The following RAB10 variants were observed in gnomAD, a reference collection of about 807,000 sequenced individuals.
RAB10 encodes ras-related protein Rab-10.
A neutral mutation model predicts 25.7 loss-of-function variants in RAB10; 5 were observed. That is an observed-to-expected ratio of 0.19 (90% confidence interval 0.10 to 0.41). The LOEUF is 0.41. Ranked by LOEUF, RAB10 falls within the 10% of genes least tolerant of loss-of-function variation. RAB10 has a pLI of 1.00. For missense variants in RAB10, 103 were observed against 245.8 expected (o/e 0.42, Z 3.89); for synonymous variants, 89 against 86.4 (o/e 1.03, Z -0.16).
At chr2:26,131,140 TA>T (rs1429316418) in intron 5 of RAB10, among the ~76,000 whole-genome samples, 1 of 151,894 alleles carries the variant, frequency 6.6e-6, no homozygotes, top group African/African-American at 2.4e-5. Context: ...AGTATGAGTA[TA>T]CTATTAAATA....
intron 1 of RAB10, among the ~76,000 whole-genome samples, chr2:26,063,803 A>AT (rs532736890): frequency 4.6e-5 from 7 of 151,646 alleles, no homozygotes; most frequent in African/African-American, 1.2e-4. Flanking sequence ...TTTTCTCACC[A>AT]TTTTTTTTGG....
chr2:26,045,081 T>C (rs1466273742), intron 1 of RAB10, among the ~76,000 whole-genome samples: 1 of 152,060 alleles, frequency 6.6e-6, no homozygotes, highest in African/African-American at 2.4e-5. Flanking sequence ...ACTTGTCCTT[T>C]GCCATCTTAG....
At chr2:26,094,531 C>T (rs992920906) in intron 1 of RAB10, among the ~76,000 whole-genome samples, 3 of 151,844 alleles carry the variant, frequency 2.0e-5, no homozygotes, top group African/African-American at 7.3e-5. Flanking sequence ...GGATTACAGG[C>T]GTGAGCCACC....
chr2:26,102,517 C>G (rs1026544345), intron 2 of RAB10, among the ~76,000 whole-genome samples: 8 of 150,526 alleles, frequency 5.3e-5, no homozygotes, highest in Non-Finnish European at 1.2e-4. Context: ...CGGCTCACTG[C>G]AAGCTCTGCC....
intron 3 of RAB10, among the ~76,000 whole-genome samples, chr2:26,123,703 A>G (rs866640971): frequency 1.2e-4 from 18 of 152,228 alleles, no homozygotes; most frequent in African/African-American, 1.9e-4. Flanking sequence ...ACTGTAGACA[A>G]TCTGGCAGAA....
At chr2:26,043,381 C>G (rs1665932020) in intron 1 of RAB10, among the ~76,000 whole-genome samples, 1 of 152,134 alleles carries the variant, frequency 6.6e-6, no homozygotes, top group Non-Finnish European at 1.5e-5. Flanking sequence ...GATGATCATG[C>G]CACTGTACTC....
chr2:26,078,680 A>G (rs768778991), intron 1 of RAB10, among the ~76,000 whole-genome samples: 2 of 152,312 alleles, frequency 1.3e-5, no homozygotes, highest in African/African-American at 2.4e-5. Context: ...GATGAAGGCT[A>G]TAGACCTGAT....
intron 1 of RAB10, among the ~76,000 whole-genome samples, chr2:26,089,346 C>T (rs1057068246): frequency 2.9e-4 from 44 of 151,514 alleles, no homozygotes; most frequent in African/African-American, 9.7e-4. Flanking sequence ...TTGCTTGAAC[C>T]CAGGAGGTGG....
At chr2:26,107,366 T>A (rs1348855484) in intron 2 of RAB10, among the ~76,000 whole-genome samples, 1 of 151,846 alleles carries the variant, frequency 6.6e-6, no homozygotes, top group Non-Finnish European at 1.5e-5. Flanking sequence ...AAAAGCTTCC[T>A]CTCTACAAAA....
intron 1 of RAB10, among the ~76,000 whole-genome samples, chr2:26,036,914 GTA>G: frequency 6.6e-6 from 1 of 152,034 alleles, no homozygotes; most frequent in East Asian, 2.0e-4. Context: ...AGCTTCCTGA[GTA>G]GCAGAGACTA....
rs977326801 is a variant in RAB10 at position 26,127,137 on chromosome 2, A to G, written c.328-7A>G. ...GTATGTAAAAGTAAAATTTTATTTC[A>G]TTTTAGCATGCCAATGAAGATGTGG... is the stretch of plus-strand genomic sequence containing the variant. On this transcript the variant is annotated splice_region_variant and splice_polypyrimidine_tract_variant and intron_variant, in intron 3 of 5. Coordinates refer to ENST00000264710, the MANE Select transcript of RAB10 (RefSeq NM_016131.5). The G allele has an allele frequency of 6.3e-7, 1 of 1,587,348 alleles. No individual in the cohort carries two copies. Among genetic ancestry groups the G allele is most frequent in the African/African-American group, 1.4e-5 (1 of 73,420 alleles).
intron 3 of RAB10, among the ~76,000 whole-genome samples, chr2:26,125,640 A>T (rs1266394251): frequency 6.6e-6 from 1 of 151,394 alleles, no homozygotes; most frequent in Non-Finnish European, 1.5e-5. Context: ...TGTAGAGATG[A>T]GGTCTCACAG....
chr2:26,069,841 G>A (rs1347002278), intron 1 of RAB10, among the ~76,000 whole-genome samples: 2 of 151,888 alleles, frequency 1.3e-5, no homozygotes, highest in South Asian at 4.2e-4. Context: ...AAGTAGCTGG[G>A]ACTACAGGCA....
At chr2:26,056,422 C>T (rs949382646) in intron 1 of RAB10, among the ~76,000 whole-genome samples, 5 of 151,982 alleles carry the variant, frequency 3.3e-5, no homozygotes, top group African/African-American at 1.2e-4. Flanking sequence ...TGGTCTCAAT[C>T]TCCTGACCTC....
At chr2:26,039,105 C>T (rs1185407677) in intron 1 of RAB10, among the ~76,000 whole-genome samples, 4 of 150,520 alleles carry the variant, frequency 2.7e-5, no homozygotes, top group Admixed American at 2.0e-4. Flanking sequence ...CTGCAACCTC[C>T]GCCTCCTAGG....
At chr2:26,101,992 GAGAGCT>G (rs1331957553) in intron 2 of RAB10, 1 of 152,352 alleles carries the variant, frequency 6.6e-6, no homozygotes, top group Admixed American at 6.5e-5. Context: ...CTTGGTGACA[GAGAGCT>G]ATTCCTTGTC....
chr2:26,119,947 G>A (rs1458376805), intron 3 of RAB10, among the ~76,000 whole-genome samples: 1 of 152,232 alleles, frequency 6.6e-6, no homozygotes, highest in Middle Eastern at 3.2e-3. Flanking sequence ...TGGAGGTGTA[G>A]TAGGTTGTAA....
intron 1 of RAB10, among the ~76,000 whole-genome samples, chr2:26,067,658 G>C (rs1209426485): frequency 6.6e-6 from 1 of 152,192 alleles, no homozygotes; most frequent in Non-Finnish European, 1.5e-5. Context: ...AATTTGTAAA[G>C]GGTTAAGAAA....
intron 1 of RAB10, among the ~76,000 whole-genome samples, chr2:26,061,055 T>TA (rs1391449118): frequency 6.7e-6 from 1 of 149,452 alleles, no homozygotes; most frequent in African/African-American, 2.4e-5. Context: ...AAAGAGCTGA[T>TA]ACTCAGTTGA....
Sources: gnomAD v4.1 joint callset for allele counts (sites outside exome capture counted in the v4.1 genomes callset) on GRCh38, gnomAD v4.1.1 for gene constraint, MANE v1.5 for transcripts, NCBI Gene and HGNC (gene_info 2026-07-23, HGNC 2026-07-21) for gene names.